The following ETNK1 variants were observed in gnomAD, a reference collection of about 807,000 sequenced individuals.
ETNK1 encodes putative protein product of Nbla10396.
ETNK1 carries 8 observed loss-of-function variants against 45.1 expected under a neutral mutation model. The ratio of observed to expected loss-of-function variants is 0.18; its 90% CI spans 0.10 to 0.32. The LOEUF is 0.32. Ranked by LOEUF, ETNK1 falls within the 10% of genes least tolerant of loss-of-function variation. The probability of loss-of-function intolerance (pLI) is 1.00; values close to 1 mark genes in which losing one functional copy is unlikely to be tolerated. For synonymous variants in ETNK1, 152 were observed against 151.9 expected (o/e 1.00, Z -0.01); for missense variants, 302 against 430.6 (o/e 0.70, Z 2.64).
At position 22,686,561 on chromosome 12, in the gene ETNK1, T is replaced by C. The variant is rs1436811198; in HGVS notation, c.*1607T>C. 1.3e-5 allele frequency: 2 copies of C among 152,410 alleles called. No individual in the cohort carries two copies. Among genetic ancestry groups the C allele is most frequent in the African/African-American group, 2.4e-5 (1 of 41,450 alleles). The allele number at this position is 152,410 out of a possible 1,614,324, so 9.4% of individuals were successfully genotyped here. ...AAATAGAAACACAGGCCATTTTAAA[T>C]GGTAAATTCTAGTTACATAAATATA... On this transcript the variant is annotated 3_prime_UTR_variant, in exon 8 of 8. Coordinates refer to ENST00000266517, the MANE Select transcript of ETNK1 (RefSeq NM_018638.5).
At chr12:22,673,461 G>A (rs1203480725) in intron 5 of ETNK1, 39 bp from the exon 6 acceptor site, 4 of 1,510,580 alleles carry the variant, frequency 2.6e-6, no homozygotes, top group Admixed American at 1.9e-5. Context: ...AAGAGTTTAT[G>A]TTTTAAAATT....
chr12:22,631,604 A>T (rs1394649879), intron 1 of ETNK1, among the ~76,000 whole-genome samples: 1 of 152,162 alleles, frequency 6.6e-6, no homozygotes, highest in Non-Finnish European at 1.5e-5. Context: ...TTTGAGAGAG[A>T]CTGTTGTGTT....
chr12:22,672,702 G>A (rs1954121289), intron 5 of ETNK1, among the ~76,000 whole-genome samples: 1 of 152,128 alleles, frequency 6.6e-6, no homozygotes, highest in East Asian at 1.9e-4. Flanking sequence ...GAAGGAAAGG[G>A]GAAAAAACTT....
chr12:22,652,143 A>C (rs1953886391), intron 2 of ETNK1, among the ~76,000 whole-genome samples: 1 of 152,182 alleles, frequency 6.6e-6, no homozygotes, highest in Admixed American at 6.5e-5. Context: ...TTCACTTAGC[A>C]TGAACACTTC....
chr12:22,648,214 A>G (rs1953831363), intron 2 of ETNK1, among the ~76,000 whole-genome samples: 1 of 151,892 alleles, frequency 6.6e-6, no homozygotes, highest in Admixed American at 6.6e-5. Flanking sequence ...ATATTGATGC[A>G]CCATTATCAC....
chr12:22,626,568 A>C (rs1038968142), intron 1 of ETNK1, among the ~76,000 whole-genome samples: 1 of 152,182 alleles, frequency 6.6e-6, no homozygotes, highest in East Asian at 1.9e-4. Context: ...TTGTTGATTT[A>C]TTTGCTAAAT....
At chr12:22,650,135 T>C (rs1051648391) in intron 2 of ETNK1, among the ~76,000 whole-genome samples, 3 of 152,126 alleles carry the variant, frequency 2.0e-5, no homozygotes, top group African/African-American at 7.2e-5. Context: ...TTGACTTTCA[T>C]ATTTTTTTAA....
chr12:22,662,267 T>TA (rs1469728385), intron 4 of ETNK1, among the ~76,000 whole-genome samples: 5 of 147,436 alleles, frequency 3.4e-5, no homozygotes, highest in African/African-American at 5.0e-5. Context: ...TTTTTTTTTT[T>TA]AGAAGAGATA....
At chr12:22,677,897 A>C (rs1176933837) in intron 6 of ETNK1, among the ~76,000 whole-genome samples, 3 of 152,104 alleles carry the variant, frequency 2.0e-5, no homozygotes, top group African/African-American at 7.2e-5. Context: ...TTTTCAGCTT[A>C]AGGAGATTTT....
intron 4 of ETNK1, among the ~76,000 whole-genome samples, chr12:22,662,206 T>A (rs1238960415): frequency 2.6e-5 from 4 of 151,148 alleles, no homozygotes; most frequent in Non-Finnish European, 5.9e-5. Context: ...TAGTTGGGAT[T>A]ACAGGTGCAC....
intron 2 of ETNK1, among the ~76,000 whole-genome samples, chr12:22,654,548 T>C (rs140753024): frequency 5.9e-5 from 9 of 152,342 alleles, no homozygotes; most frequent in Admixed American, 3.9e-4. Flanking sequence ...AATTTCTAAA[T>C]GTATTCCAGG....
In ETNK1 at chr12:22,686,851, A is replaced by ATTTTTTTTTTTTTTTTTTTT. The variant is rs3983448; in HGVS notation, c.*1906_*1925dup. ...AGATAAAGAATGTGTAATACTCTTA[A>ATTTTTTTTTTTTTTTTTTTT]TTTTTTTTTTTTTTTTTTTTTTTTT... is the stretch of plus-strand genomic sequence containing the variant. On this transcript the variant is annotated 3_prime_UTR_variant, in exon 8 of 8. Transcript: ENST00000266517. The ATTTTTTTTTTTTTTTTTTTT allele has an allele frequency of 1.4e-5, 1 of 69,262 alleles. No individual in the cohort carries two copies. Among genetic ancestry groups the ATTTTTTTTTTTTTTTTTTTT allele is most frequent in the Non-Finnish European group, 2.8e-5 (1 of 36,074 alleles). The allele number at this position is 69,262 out of a possible 1,614,324, so 4.3% of individuals were successfully genotyped here.
intron 4 of ETNK1, 151 bp from the exon 5 acceptor site, chr12:22,671,121 C>T: frequency 1.6e-6 from 1 of 617,012 alleles, no homozygotes; most frequent in Non-Finnish European, 2.8e-6. Context: ...ATAAAATTCA[C>T]AGCCCCTTAC....
intron 2 of ETNK1, among the ~76,000 whole-genome samples, chr12:22,656,109 A>G (rs946038098): frequency 6.6e-6 from 1 of 152,200 alleles, no homozygotes; most frequent in Non-Finnish European, 1.5e-5. Flanking sequence ...AGTTGTGGCC[A>G]TACTGTTTTA....
intron 2 of ETNK1, among the ~76,000 whole-genome samples, chr12:22,647,936 T>C (rs1953827667): frequency 6.6e-6 from 1 of 151,966 alleles, no homozygotes; most frequent in African/African-American, 2.4e-5. Flanking sequence ...GAAGGACCAA[T>C]ATATGATAGT....
At chr12:22,629,104 A>G (rs1000233800) in intron 1 of ETNK1, among the ~76,000 whole-genome samples, 8 of 152,120 alleles carry the variant, frequency 5.3e-5, no homozygotes, top group Admixed American at 1.3e-4. Flanking sequence ...GGTAAAATAA[A>G]TGCTGTCTTT....
chr12:22,650,141 T>C (rs1446255076), intron 2 of ETNK1, among the ~76,000 whole-genome samples: 1 of 152,118 alleles, frequency 6.6e-6, no homozygotes, highest in Non-Finnish European at 1.5e-5. Flanking sequence ...TTCATATTTT[T>C]TTAATCCTGC....
chr12:22,632,921 G>T (rs1335025100), intron 1 of ETNK1, among the ~76,000 whole-genome samples: 1 of 152,144 alleles, frequency 6.6e-6, no homozygotes, highest in Non-Finnish European at 1.5e-5. Flanking sequence ...GTATATAGTT[G>T]TAGTTCTTTT....
chr12:22,661,232 A>G, intron 4 of ETNK1, 27 bp downstream of exon 4: 1 of 1,561,438 alleles, frequency 6.4e-7, no homozygotes. Flanking sequence ...AGCAGTAAGT[A>G]AAATTGATTT....
Sources: gnomAD v4.1 joint callset for allele counts (sites outside exome capture counted in the v4.1 genomes callset) on GRCh38, gnomAD v4.1.1 for gene constraint, MANE v1.5 for transcripts, NCBI Gene and HGNC (gene_info 2026-07-23, HGNC 2026-07-21) for gene names.